The following DIP2B variants were observed in gnomAD, a reference collection of about 807,000 sequenced individuals.
DIP2B encodes the protein disco-interacting protein 2 homolog B.
DIP2B carries 76 observed loss-of-function variants against 198.0 expected under a neutral mutation model. The ratio of observed to expected loss-of-function variants is 0.38; its 90% CI spans 0.32 to 0.46. The LOEUF (loss-of-function observed/expected upper bound fraction) is 0.46, where lower values mean the gene tolerates loss of function less well. DIP2B is among the 20% of genes least tolerant of loss of function. DIP2B has a pLI of 0.99. For missense variants in DIP2B, 1,559 were observed against 1,978.4 expected, an observed-to-expected ratio of 0.79 and a Z score of 4.02; for synonymous variants, 701 against 739.1, an observed-to-expected ratio of 0.95 and a Z score of 0.84.
At chr12:50,516,213 A>ATCTCTCTCTCTCTCTC (rs68059796) in intron 1 of DIP2B, among the ~76,000 whole-genome samples, 2 of 128,514 alleles carry the variant, frequency 1.6e-5, no homozygotes, top group African/African-American at 6.0e-5. Flanking sequence ...TAGAGGCACC[A>ATCTCTCTCTCTCTCTC]TCTCTCTCTC....
intron 25 of DIP2B, 39 bp downstream of exon 25, chr12:50,719,074 C>T (rs770339832): frequency 7.5e-6 from 12 of 1,597,750 alleles, no homozygotes; most frequent in Non-Finnish European, 9.4e-6. Context: ...CAGCTGACTA[C>T]TATAGGACCA....
chr12:50,584,287 G>A (rs1314046431), intron 1 of DIP2B, among the ~76,000 whole-genome samples: 2 of 152,144 alleles, frequency 1.3e-5, no homozygotes, highest in Non-Finnish European at 2.9e-5. Context: ...TTTAGCAAAT[G>A]GACCCTAGTT....
At chr12:50,612,450 GAC>G (rs1216346756) in intron 1 of DIP2B, among the ~76,000 whole-genome samples, 1 of 134,676 alleles carries the variant, frequency 7.4e-6, no homozygotes, top group Non-Finnish European at 1.6e-5. Flanking sequence ...TTTTTTTTGA[GAC>G]AGTCTTGCTC....
chr12:50,539,357 G>A (rs1291080296), intron 1 of DIP2B, among the ~76,000 whole-genome samples: 1 of 151,666 alleles, frequency 6.6e-6, no homozygotes, highest in Non-Finnish European at 1.5e-5. Flanking sequence ...GCCGGGTGTG[G>A]TGTAATACCA....
At chr12:50,595,623 A>G (rs1958871901) in intron 1 of DIP2B, among the ~76,000 whole-genome samples, 1 of 152,226 alleles carries the variant, frequency 6.6e-6, no homozygotes, top group African/African-American at 2.4e-5. Flanking sequence ...ATTAACAGAA[A>G]GTATCAAGTA....
chr12:50,593,758 C>G (rs1593638020), intron 1 of DIP2B, among the ~76,000 whole-genome samples: 1 of 1,056 alleles, frequency 9.5e-4, no homozygotes. Context: ...CTCCCCTCCC[C>G]TCCCCTCCCC....
chr12:50,720,345 G>A (rs1287618338), intron 25 of DIP2B, among the ~76,000 whole-genome samples: 2 of 152,036 alleles, frequency 1.3e-5, no homozygotes, highest in East Asian at 3.9e-4. Context: ...CTCCCCAGCA[G>A]GGGAAGACTG....
At chr12:50,716,958 C>CTTTTTTTTTTTTTTTTTTTTTTGTTTTTT (rs1939733346) in intron 23 of DIP2B, among the ~76,000 whole-genome samples, 2 of 58,924 alleles carry the variant, frequency 3.4e-5, no homozygotes, top group Non-Finnish European at 5.9e-5. Context: ...CGAATTGTTG[C>CTTTTTTTTTTTTTTTTTTTTTTGTTTTTT]TTTTTTTTTT....
intron 1 of DIP2B, among the ~76,000 whole-genome samples, chr12:50,594,910 C>T (rs879885844): frequency 1.3e-5 from 2 of 152,182 alleles, no homozygotes; most frequent in Non-Finnish European, 2.9e-5. Context: ...TGTGAAATAA[C>T]TGTCAGGTTT....
At chr12:50,592,062 G>C (rs12301794) in intron 1 of DIP2B, among the ~76,000 whole-genome samples, 2 of 151,688 alleles carry the variant, frequency 1.3e-5, no homozygotes, top group Non-Finnish European at 2.9e-5. Context: ...GTTTTTAGTA[G>C]AGACGGGGGT....
chr12:50,515,777 G>A (rs1422196314), intron 1 of DIP2B, among the ~76,000 whole-genome samples: 2 of 152,164 alleles, frequency 1.3e-5, no homozygotes, highest in African/African-American at 2.4e-5. Context: ...GTCTGTATCT[G>A]TAGCCCTGAC....
chr12:50,733,299 C>G (rs1024787732), intron 32 of DIP2B, among the ~76,000 whole-genome samples: 1 of 145,696 alleles, frequency 6.9e-6, no homozygotes, highest in Non-Finnish European at 1.5e-5. Flanking sequence ...ATTCTCTTCT[C>G]TACCCAGATG....
chr12:50,541,907 C>T (rs1958329259), intron 1 of DIP2B, among the ~76,000 whole-genome samples: 1 of 151,970 alleles, frequency 6.6e-6, no homozygotes, highest in Admixed American at 6.6e-5. Flanking sequence ...GAGGCTGAGG[C>T]ACGAGAATTG....
rs34202995 is a variant in DIP2B, at chr12:50,537,114, A to ATTTTTTTTTTTTTTTTTTTT, written c.100+31882_100+31901dup. On this transcript the variant is annotated intron_variant, in intron 1 of 37. Coordinates refer to ENST00000301180, the MANE Select transcript of DIP2B (RefSeq NM_173602.3). ...CAGATTGCTTGTTTATTATTCTCTA[A>ATTTTTTTTTTTTTTTTTTTT]TTTTTTTTTTTTTTTTTTTTTTTTT... Among the ~76,000 whole-genome samples the ATTTTTTTTTTTTTTTTTTTT allele has an allele frequency of 2.5e-3, 82 of 32,228 alleles. 18 individuals are homozygous for ATTTTTTTTTTTTTTTTTTTT. Among genetic ancestry groups the ATTTTTTTTTTTTTTTTTTTT allele is most frequent in the East Asian group, 0.011 (5 of 468 alleles). The allele number at this position is 32,228 out of a possible 152,430, so 21.1% of individuals were successfully genotyped here.
At chr12:50,730,132 G>A (rs891120605) in intron 30 of DIP2B, among the ~76,000 whole-genome samples, 5 of 151,968 alleles carry the variant, frequency 3.3e-5, no homozygotes, top group Admixed American at 6.6e-5. Flanking sequence ...TCAGTGGCTC[G>A]TATCACCAAT....
intron 1 of DIP2B, among the ~76,000 whole-genome samples, chr12:50,561,061 T>G (rs912764642): frequency 2.6e-5 from 4 of 152,198 alleles, no homozygotes; most frequent in Admixed American, 6.5e-5. Flanking sequence ...CCTATGCACA[T>G]TAGATTGGCA....
chr12:50,613,105 AGAGG>A (rs1959045427), intron 1 of DIP2B, among the ~76,000 whole-genome samples: 1 of 152,186 alleles, frequency 6.6e-6, no homozygotes, highest in African/African-American at 2.4e-5. Flanking sequence ...AAGACCTTAG[AGAGG>A]CAGCACTGAG....
chr12:50,631,954 A>G (rs1232389028), intron 2 of DIP2B, among the ~76,000 whole-genome samples: 1 of 150,510 alleles, frequency 6.6e-6, no homozygotes, highest in Non-Finnish European at 1.5e-5. Context: ...TACCCCATAT[A>G]TCTTTGTAAA....
intron 1 of DIP2B, among the ~76,000 whole-genome samples, chr12:50,597,364 A>AT (rs1491201461): frequency 1.3e-5 from 2 of 152,244 alleles, no homozygotes; most frequent in Non-Finnish European, 2.9e-5. Flanking sequence ...TGTCAGTATC[A>AT]TAGTACTTCA....
Sources: allele counts gnomAD v4.1 joint callset (sites outside exome capture counted in the v4.1 genomes callset), GRCh38; gene constraint gnomAD v4.1.1; transcripts MANE v1.5; gene names NCBI Gene and HGNC (gene_info 2026-07-23, HGNC 2026-07-21).